SLC20A2: variants seen among roughly 807,000 people sequenced by gnomAD.
SLC20A2 encodes sodium-dependent phosphate transporter 2.
In SLC20A2, 30 loss-of-function variants were observed where a neutral mutation model predicts 61.0. The observed-to-expected ratio is 0.49, with a 90% confidence interval of 0.37 to 0.67. SLC20A2 has a LOEUF of 0.67. Among genes scored for constraint, SLC20A2 ranks in the 30% least tolerant of loss-of-function variants. The pLI, the probability that SLC20A2 is intolerant of heterozygous loss-of-function variation, is 0.00. For missense variants in SLC20A2, 626 were observed against 866.4 expected (o/e 0.72, Z 3.48); for synonymous variants, 351 against 353.3 (o/e 0.99, Z 0.07).
chr8:42,465,943 T>C, intron 2 of SLC20A2, 26 bp from the exon 3 acceptor site: 3 of 1,603,106 alleles, frequency 1.9e-6, no homozygotes, highest in Non-Finnish European at 2.5e-6. Flanking sequence ...CAAAAAACCA[T>C]CAGATACAGA....
chr8:42,490,579 A>G (rs1043169270), intron 1 of SLC20A2, among the ~76,000 whole-genome samples: 8 of 152,350 alleles, frequency 5.3e-5, no homozygotes, highest in African/African-American at 1.9e-4. Context: ...CCTGAGAGAC[A>G]GAGTAAGACT....
chr8:42,429,048 C>T (rs765656559), intron 9 of SLC20A2, among the ~76,000 whole-genome samples: 1 of 152,214 alleles, frequency 6.6e-6, no homozygotes, highest in Non-Finnish European at 1.5e-5. Context: ...GGGCCCTCAG[C>T]AGCCTGGCCT....
chr8:42,453,137 G>A (rs1401749657), intron 5 of SLC20A2, among the ~76,000 whole-genome samples: 1 of 152,140 alleles, frequency 6.6e-6, no homozygotes, highest in African/African-American at 2.4e-5. Flanking sequence ...GCTTAACTGG[G>A]TGACCTGCTT....
At chr8:42,517,102 T>C (rs1811364242) in intron 1 of SLC20A2, among the ~76,000 whole-genome samples, 1 of 152,216 alleles carries the variant, frequency 6.6e-6, no homozygotes. Flanking sequence ...GAAACTAGAA[T>C]CTGCTATCTA....
chr8:42,483,506 C>G (rs1031607063), intron 1 of SLC20A2, among the ~76,000 whole-genome samples: 1 of 152,318 alleles, frequency 6.6e-6, no homozygotes, highest in South Asian at 2.1e-4. Flanking sequence ...AGTAGATCAC[C>G]GCCTTGCTGG....
Position 42,417,259 on chromosome 8 carries a change from G to A in SLC20A2, c.*544C>T, listed in dbSNP as rs780015066. The stretch of plus-strand genomic sequence containing the variant: ...AAATCTTCAGTGAAAGCACTTGTGA[G>A]CTCCCGTCCCGCTGTCATCCCACAG... On this transcript the variant is annotated 3_prime_UTR_variant, in exon 11 of 11. Coordinates refer to ENST00000520262, the MANE Select transcript of SLC20A2 (RefSeq NM_001257180.2). 1 of 153,636 alleles carries A rather than the reference G, an allele frequency of 6.5e-6. No homozygotes were observed. Among genetic ancestry groups the A allele is most frequent in the Non-Finnish European group, 1.5e-5 (1 of 68,810 alleles). The allele number at this position is 153,636 out of a possible 1,614,324, so 9.5% of individuals were successfully genotyped here.
At chr8:42,515,893 A>G (rs765934333) in intron 1 of SLC20A2, among the ~76,000 whole-genome samples, 17 of 152,192 alleles carry the variant, frequency 1.1e-4, no homozygotes, top group Non-Finnish European at 1.3e-4. Context: ...ACCAACAAAT[A>G]TTGGCAGTGC....
chr8:42,466,429 C>T (rs76509575), intron 2 of SLC20A2, among the ~76,000 whole-genome samples: 3,122 of 152,310 alleles, frequency 0.02, 34 homozygotes, highest in Middle Eastern at 0.031. Context: ...TACACACTGA[C>T]TGCCCTTGTC....
chr8:42,522,934 A>G (rs1811680136), intron 1 of SLC20A2, among the ~76,000 whole-genome samples: 1 of 147,426 alleles, frequency 6.8e-6, no homozygotes, highest in African/African-American at 2.6e-5. Context: ...TGTGTTGCCC[A>G]GGTTAGTCTT....
chr8:42,464,424 G>A (rs143103019), intron 3 of SLC20A2, among the ~76,000 whole-genome samples: 4 of 151,594 alleles, frequency 2.6e-5, no homozygotes, highest in Admixed American at 2.6e-4. Context: ...GCCTGACCTG[G>A]ATGATCTGTT....
chr8:42,492,465 G>A (rs1563520463), intron 1 of SLC20A2, among the ~76,000 whole-genome samples: 1 of 152,198 alleles, frequency 6.6e-6, no homozygotes, highest in Non-Finnish European at 1.5e-5. Flanking sequence ...TATAATTGCA[G>A]TAGAAAGACA....
At chr8:42,491,122 C>T (rs556250074) in intron 1 of SLC20A2, among the ~76,000 whole-genome samples, 76 of 152,190 alleles carry the variant, frequency 5.0e-4, no homozygotes, top group Non-Finnish European at 7.8e-4. Flanking sequence ...TCTTTCAGGC[C>T]GGTGTGGTGG....
Position 42,536,047 on chromosome 8 carries a change from AAG to A in SLC20A2, c.-265+5772_-265+5773del, listed in dbSNP as rs1371522421. 3.3e-5 allele frequency among the ~76,000 whole-genome samples: 5 copies of A among 152,338 alleles called. No individual in the cohort carries two copies. The East Asian group carries it at 9.6e-4, about 29-fold the overall frequency. On this transcript the variant is annotated intron_variant, in intron 1 of 10. Coordinates refer to the SLC20A2 transcript ENST00000342228. The stretch of plus-strand genomic sequence containing the variant: ...TTCCCTAAAAGTTTCCCATTCAGGG[AAG>A]AGTCTGAAATGAAGATTAGGGCTAA...
chr8:42,539,282 G>C (rs2923431), intron 1 of SLC20A2, among the ~76,000 whole-genome samples: 97,718 of 151,998 alleles, frequency 0.64, 31,551 homozygotes, highest in South Asian at 0.69. Flanking sequence ...CTTTCAACTC[G>C]CAAGAAAATG....
intron 10 of SLC20A2, among the ~76,000 whole-genome samples, chr8:42,428,251 A>T (rs1252205873): frequency 3.3e-5 from 5 of 152,258 alleles, no homozygotes; most frequent in Middle Eastern, 3.2e-3. Context: ...CGCAGTGGTC[A>T]GTATCAGCAA....
chr8:42,536,268 C>G (rs921996433), intron 1 of SLC20A2: 1 of 152,208 alleles, frequency 6.6e-6, no homozygotes, highest in African/African-American at 2.4e-5. Context: ...CATTTCATCA[C>G]TGACTCAAAT....
chr8:42,504,229 C>T (rs1457909515), upstream of SLC20A2, among the ~76,000 whole-genome samples: 2 of 152,240 alleles, frequency 1.3e-5, no homozygotes, highest in Admixed American at 6.5e-5. Context: ...GCATGAACTA[C>T]TGCCCCTGGC....
At chr8:42,454,136 T>C (rs1362321344) in intron 5 of SLC20A2, among the ~76,000 whole-genome samples, 1 of 152,148 alleles carries the variant, frequency 6.6e-6, no homozygotes, top group East Asian at 1.9e-4. Context: ...CCCGAGTAGC[T>C]GGGACTACAG....
In SLC20A2 at chr8:42,437,515, A is replaced by G; in HGVS notation, c.997T>C (p.Phe333Leu). ...CCGTCGCTCCTGGTGTGGCCGTCGA[A>G]GCCGAAGGTGCCGTTGGAGATGGGC... ...KSPISNGTFG[F>L]DGHTRSDGHV... The change falls in exon 8 of 11, where the codon TTC (phenylalanine) becomes CTC (leucine). Residue 333 changes from phenylalanine to leucine, a missense_variant. Phe to Leu is a conservative substitution (Grantham distance 22). Transcript: ENST00000520262. This position sits in a 1 kb window ranked among gnomAD's most constrained non-coding sequence, Gnocchi z 6.4. 1 of 1,614,000 alleles carries G rather than the reference A, an allele frequency of 6.2e-7. No homozygotes were observed. The highest frequency in any genetic ancestry group is 8.5e-7 in the Non-Finnish European group (1 of 1,180,000).
Sources: gnomAD v4.1 joint callset for allele counts (sites outside exome capture counted in the v4.1 genomes callset) on GRCh38, gnomAD v4.1.1 for gene constraint, Gnocchi (gnomAD v3.1) non-coding constraint, MANE v1.5 for transcripts, NCBI Gene and HGNC (gene_info 2026-07-23, HGNC 2026-07-21) for gene names.